Variants in STEAP3 observed in about 807,000 individuals in gnomAD.
STEAP3 encodes STEAP3 metalloreductase, also known as metalloreductase STEAP3.
In STEAP3, 35 loss-of-function variants were observed where a neutral mutation model predicts 34.9. The ratio of observed to expected loss-of-function variants is 1.00; its 90% confidence interval spans 0.76 to 1.33. The LOEUF (loss-of-function observed/expected upper bound fraction) is 1.33, where lower values mean the gene tolerates loss of function less well. Ranked by LOEUF, STEAP3 falls within the 40% of genes most tolerant of loss-of-function variation. The pLI is 0.00. For missense variants in STEAP3, 652 were observed against 667.6 expected (o/e 0.98, Z 0.26); for synonymous variants, 281 against 301.6 (o/e 0.93, Z 0.71).
intron 5 of STEAP3, chr2:119,257,581 G>T: frequency 6.5e-7 from 1 of 1,542,456 alleles, no homozygotes; most frequent in Non-Finnish European, 8.8e-7. Context: ...CGGAGCTTCT[G>T]CTGCTCACTT....
chr2:119,248,478 G>A (rs1366039544), intron 4 of STEAP3: 1 of 471,322 alleles, frequency 2.1e-6, no homozygotes, highest in African/African-American at 1.9e-5. Flanking sequence ...AGTGGGCGTT[G>A]AGAGGATCAG....
intron 3 of STEAP3, 34 bp from the exon 4 acceptor site, chr2:119,247,645 G>A: frequency 6.6e-7 from 1 of 1,504,372 alleles, no homozygotes. Flanking sequence ...TGTGGCCTGT[G>A]ACGCCGTCTG....
rs1677722007 is a variant in STEAP3, at chr2:119,254,673, A to C, written c.1051-11A>C. On this transcript the variant is annotated splice_polypyrimidine_tract_variant and intron_variant, in intron 4 of 5. Coordinates refer to ENST00000393110, the MANE Select transcript of STEAP3 (RefSeq NM_182915.3). ...CCACAGTGTTCATGGTTTTCCTTCC[A>C]TCCATGTCAGGTCTTGGCCAACAAG... is the stretch of plus-strand genomic sequence containing the variant. 6.2e-7 allele frequency: 1 copy of C among 1,613,880 alleles called. No individual in the cohort carries two copies.
intron 1 of STEAP3, among the ~76,000 whole-genome samples, chr2:119,227,996 A>G (rs1679095927): frequency 6.6e-6 from 1 of 151,864 alleles, no homozygotes; most frequent in Admixed American, 6.6e-5. Flanking sequence ...CACCCAGCTA[A>G]TTTTTGTATT....
Position 119,243,023 on chromosome 2 carries a change from G to A in STEAP3, c.23-2466G>A, listed in dbSNP as rs186163804. On this transcript the variant is annotated intron_variant, in intron 2 of 5. Transcript: ENST00000393110. The stretch of plus-strand genomic sequence containing the variant: ...AAATACTGTCTCCTATTCACAGGGT[G>A]GCTGTGCCTGGCGTGAGTGTCTTGG... Among the ~76,000 whole-genome samples, 429 of 152,302 alleles carry A rather than the reference G, an allele frequency of 2.8e-3. 2 individuals carry two copies. Among genetic ancestry groups the A allele is most frequent in the African/African-American group, 9.7e-3 (402 of 41,566 alleles).
At chr2:119,225,021 C>A (rs149026999) in intron 1 of STEAP3, among the ~76,000 whole-genome samples, 1 of 152,332 alleles carries the variant, frequency 6.6e-6, no homozygotes, top group Non-Finnish European at 1.5e-5. Context: ...GCGAAACAGG[C>A]TGTGTCCTCA....
chr2:119,262,335 TACACACACAC>T (rs3054837), intron 5 of STEAP3, among the ~76,000 whole-genome samples: 3 of 150,052 alleles, frequency 2.0e-5, no homozygotes, highest in African/African-American at 7.4e-5. Context: ...GTAAAATTTA[TACACACACAC>T]ACACACACAC....
chr2:119,245,938 G>A lies in STEAP3; in HGVS notation c.472G>A (p.Val158Ile). The stretch of plus-strand genomic sequence containing the variant: ...TTGCACAGTGGTCAAGGCCTTCAAT[G>A]TCATCTCTGCCTGGACCCTGCAGGC... ...PTCTVVKAFN[V>I]ISAWTLQAGP... The change falls in exon 3 of 6, where the codon GTC becomes ATC. Residue 158 changes from valine (V) to isoleucine (I), a missense_variant. Coordinates refer to ENST00000393110, the MANE Select transcript of STEAP3 (RefSeq NM_182915.3). The A allele has an allele frequency of 6.2e-7, 1 of 1,613,860 alleles. No homozygotes were observed. Among genetic ancestry groups the A allele is most frequent in the South Asian group, 1.1e-5 (1 of 91,086 alleles).
In STEAP3 at chr2:119,234,196, G is replaced by A. The variant is rs13432674; in HGVS notation, c.22+3162G>A. The stretch of plus-strand genomic sequence containing the variant: ...CTTTCCTAACCCCACGGCTCACCCT[G>A]CCCAGGAGCAGGGATGAGGCCCATC... On this transcript the variant is annotated intron_variant, in intron 2 of 5. Coordinates refer to ENST00000393110, the MANE Select transcript of STEAP3 (RefSeq NM_182915.3). Among the ~76,000 whole-genome samples the A allele has an allele frequency of 9.8e-3, 1,496 of 152,202 alleles. 24 individuals are homozygous for A. Among genetic ancestry groups the A allele is most frequent in the African/African-American group, 0.034 (1,411 of 41,532 alleles).
At chr2:119,236,366 C>G (rs867519655) in intron 2 of STEAP3, among the ~76,000 whole-genome samples, 5 of 152,310 alleles carry the variant, frequency 3.3e-5, no homozygotes, top group Middle Eastern at 3.4e-3. Context: ...GTGACTTGGC[C>G]GGGCCGCCAG....
At chr2:119,229,885 C>T (rs535957536) in intron 1 of STEAP3, among the ~76,000 whole-genome samples, 31 of 134,092 alleles carry the variant, frequency 2.3e-4, no homozygotes, top group African/African-American at 8.5e-4. Context: ...TTAGACTCCG[C>T]GGAGATTCAG....
rs1054963070 is a variant in STEAP3, at chr2:119,255,691, C to T, written c.1215+843C>T. ...ATCACTTGAGCTTGAGCGATTCTTCCAGGAGTTAGAAGTTCAAGTGTCCAG... is the reference window on the plus strand; with the variant it reads ...ATCACTTGAGCTTGAGCGATTCTTCTAGGAGTTAGAAGTTCAAGTGTCCAG... On this transcript the variant is annotated intron_variant, in intron 5 of 5. Transcript: ENST00000393110. Among the ~76,000 whole-genome samples the T allele has an allele frequency of 4.6e-5, 7 of 151,268 alleles. No homozygotes were observed. The East Asian group carries it at 1.4e-3, about 29-fold the overall frequency.
At chr2:119,228,455 G>A (rs747119294) in intron 1 of STEAP3, among the ~76,000 whole-genome samples, 3 of 152,186 alleles carry the variant, frequency 2.0e-5, no homozygotes, top group East Asian at 1.9e-4. Context: ...CCATCAAATC[G>A]CCCCAACCTG....
At chr2:119,256,935 G>T (rs942321559) in intron 5 of STEAP3, among the ~76,000 whole-genome samples, 10 of 152,160 alleles carry the variant, frequency 6.6e-5, no homozygotes, top group African/African-American at 2.4e-4. Flanking sequence ...AAAATAAAAA[G>T]CATTTTGCTA....
chr2:119,260,925 A>G (rs1411654332), intron 5 of STEAP3, among the ~76,000 whole-genome samples: 1 of 152,246 alleles, frequency 6.6e-6, no homozygotes, highest in East Asian at 1.9e-4. Context: ...AGCCAAGAAG[A>G]ACCAGAGAGG....
intron 5 of STEAP3, among the ~76,000 whole-genome samples, chr2:119,260,008 C>T (rs566369754): frequency 1.3e-4 from 20 of 152,260 alleles, no homozygotes; most frequent in Middle Eastern, 3.4e-3. Flanking sequence ...CCTCATCCGC[C>T]GAACCTTAAA....
intron 2 of STEAP3, among the ~76,000 whole-genome samples, chr2:119,242,282 G>A (rs189208682): frequency 1.1e-3 from 172 of 152,294 alleles, no homozygotes; most frequent in African/African-American, 3.8e-3. Flanking sequence ...GCCTCAGGCT[G>A]GCTACTCTTC....
chr2:119,263,771 C>G lies in STEAP3; in HGVS notation c.*433C>G. 3.2e-6 allele frequency: 1 copy of G among 315,900 alleles called. No individual in the cohort carries two copies. The highest frequency in any genetic ancestry group is 9.0e-5 in the East Asian group (1 of 11,086). The allele number at this position is 315,900 out of a possible 1,614,324, so 19.6% of individuals were successfully genotyped here. On this transcript the variant is annotated 3_prime_UTR_variant, in exon 6 of 6. Transcript: ENST00000393110. ...CCACAACTTCCCTTTTGCTACTTCC[C>G]CAAGGCTCTTGCAGAGCTAGGGCTC...
intron 4 of STEAP3, 93 bp downstream of exon 4, chr2:119,248,299 C>G (rs1308270161): frequency 3.6e-6 from 5 of 1,403,554 alleles, no homozygotes; most frequent in Non-Finnish European, 4.8e-6. Context: ...CCGATACCCA[C>G]GGGTGCAGCC....
Sources: allele counts gnomAD v4.1 joint callset (sites outside exome capture counted in the v4.1 genomes callset), GRCh38; gene constraint gnomAD v4.1.1; transcripts MANE v1.5; gene names NCBI Gene and HGNC (gene_info 2026-07-23, HGNC 2026-07-21).